Variants in SHROOM2 observed in about 807,000 individuals in gnomAD.
SHROOM2 encodes shroom family member 2, also known as protein Shroom2.
A neutral mutation model predicts 75.9 loss-of-function variants in SHROOM2; 33 were observed. The ratio of observed to expected loss-of-function variants is 0.43; its 90% CI spans 0.33 to 0.58. SHROOM2 has a LOEUF of 0.58. Among genes scored for constraint, SHROOM2 ranks in the 20% least tolerant of loss-of-function variants. The pLI is 0.04. For synonymous variants in SHROOM2, 655 were observed against 663.6 expected (o/e 0.99, Z 0.20); for missense variants, 1,434 against 1,461.2 (o/e 0.98, Z 0.30).
chrX:9,803,370 G>A (rs902779506), intron 1 of SHROOM2, among the ~76,000 whole-genome samples: 1 of 111,490 alleles, frequency 9.0e-6, no homozygotes, highest in Non-Finnish European at 1.9e-5. Flanking sequence ...AGGCTGAAAA[G>A]ATTTTAGATT....
chrX:9,887,765 G>A (rs1033506379), intron 2 of SHROOM2, among the ~76,000 whole-genome samples: 1 of 112,902 alleles, frequency 8.9e-6, no homozygotes. Context: ...GGGAGGCGGT[G>A]TAAACAGTCA....
rs1218786688 is a variant in SHROOM2 at position 9,894,869 on chromosome X, C to T, written c.961C>T (p.Leu321Phe). The change falls in exon 4 of 10, where the codon CTC becomes TTC. Residue 321 changes from leucine (L) to phenylalanine (F), a missense_variant. Transcript: ENST00000380913. Reference protein sequence around the residue: ...PSSPPPPPPPLRSDSFAATKS... With the variant: ...PSSPPPPPPPFRSDSFAATKS... The stretch of plus-strand genomic sequence containing the variant: ...ATCCCCACCTCCTCCCCCTCCCCCT[C>T]TCCGCAGTGACAGCTTTGCTGCCAC... The T allele has an allele frequency of 2.5e-6, 3 of 1,211,422 alleles. No individual in the cohort carries two copies. Among genetic ancestry groups the T allele is most frequent in the Non-Finnish European group, 3.4e-6 (3 of 895,297 alleles).
chrX:9,787,744 C>G (rs1424701711), intron 1 of SHROOM2, among the ~76,000 whole-genome samples: 2 of 112,252 alleles, frequency 1.8e-5, no homozygotes, highest in African/African-American at 6.5e-5. Flanking sequence ...TCTATATTTT[C>G]TGTCGCTTTT....
At chrX:9,804,294 T>A (rs1484083208) in intron 1 of SHROOM2, among the ~76,000 whole-genome samples, 4 of 111,594 alleles carry the variant, frequency 3.6e-5, no homozygotes, top group African/African-American at 1.3e-4. Context: ...CTCTGTGGCC[T>A]GCTGTGGCTG....
At chrX:9,791,486 C>T (rs1055311046) in intron 1 of SHROOM2, among the ~76,000 whole-genome samples, 1 of 112,036 alleles carries the variant, frequency 8.9e-6, no homozygotes, top group Non-Finnish European at 1.9e-5. Flanking sequence ...ACATTCTACA[C>T]GATAATGTTA....
At chrX:9,927,502 G>A (rs2147049165) in intron 5 of SHROOM2, among the ~76,000 whole-genome samples, 1 of 110,818 alleles carries the variant, frequency 9.0e-6, no homozygotes, top group South Asian at 3.8e-4. Context: ...AAACAGTGGT[G>A]GATTATTGAT....
chrX:9,949,420 A>G lies in SHROOM2; in HGVS notation c.*2483A>G, dbSNP rs1289685847. The G allele has an allele frequency of 2.4e-5, 8 of 329,030 alleles. No homozygotes were observed. The highest frequency in any genetic ancestry group is 3.5e-5 in the Non-Finnish European group (6 of 169,831). 27.1% of individuals were successfully genotyped at this position (329,030 alleles called of 1,213,427 possible). On this transcript the variant is annotated 3_prime_UTR_variant, in exon 10 of 10. Transcript: ENST00000380913. ...GATCATCCTGCTTGACTGTAACAAA[A>G]TAAATAGTGTCTCTTCAAGTGAATG... is the stretch of plus-strand genomic sequence containing the variant.
chrX:9,914,759 CG>C (rs1482689256), intron 5 of SHROOM2, among the ~76,000 whole-genome samples: 1 of 111,995 alleles, frequency 8.9e-6, no homozygotes, highest in Non-Finnish European at 1.9e-5. Flanking sequence ...AAACTGGGGG[CG>C]GGGTGACTAG....
intron 1 of SHROOM2, among the ~76,000 whole-genome samples, chrX:9,845,376 C>A (rs2084000649): frequency 9.0e-6 from 1 of 111,595 alleles, no homozygotes; most frequent in Non-Finnish European, 1.9e-5. Flanking sequence ...ACCCAGTAAA[C>A]CTGAACAAGA....
At chrX:9,942,620 G>A (rs949220590) in intron 8 of SHROOM2, among the ~76,000 whole-genome samples, 2 of 111,902 alleles carry the variant, frequency 1.8e-5, no homozygotes, top group African/African-American at 6.5e-5. Flanking sequence ...GAAGAGATGT[G>A]TAGGGCGAGG....
Position 9,895,067 on chromosome X carries a change from T to G in SHROOM2, c.1159T>G (p.Cys387Gly). The change falls in exon 4 of 10, where the codon TGC (cysteine) becomes GGC (glycine). Residue 387 changes from cysteine (C) to glycine (G), a missense_variant. Cys to Gly is a radical substitution (Grantham distance 159). Transcript: ENST00000380913. Reference protein sequence around the residue: ...SLGKGSGGPGCPQEAHADGSW... With the variant: ...SLGKGSGGPGGPQEAHADGSW... ...CGGGAAGGGATCGGGAGGCCCGGGCTGCCCACAGGAGGCCCACGCAGACGG... is the reference window on the plus strand; with the variant it reads ...CGGGAAGGGATCGGGAGGCCCGGGCGGCCCACAGGAGGCCCACGCAGACGG... The G allele has an allele frequency of 8.3e-7, 1 of 1,208,136 alleles. No individual in the cohort carries two copies. Among genetic ancestry groups the G allele is most frequent in the Non-Finnish European group, 1.1e-6 (1 of 893,838 alleles).
intron 1 of SHROOM2, among the ~76,000 whole-genome samples, chrX:9,811,379 G>A (rs1174556891): frequency 1.8e-5 from 2 of 112,109 alleles, no homozygotes; most frequent in Non-Finnish European, 1.9e-5. Flanking sequence ...AAGAGGCTGA[G>A]TGGTGTCCAC....
At chrX:9,931,207 C>T (rs1447530786) in intron 5 of SHROOM2, among the ~76,000 whole-genome samples, 1 of 110,610 alleles carries the variant, frequency 9.0e-6, no homozygotes, top group Non-Finnish European at 1.9e-5. Context: ...TCTTCAGCCT[C>T]CTCTAAGCTG....
chrX:9,857,595 C>T (rs1177414840), intron 1 of SHROOM2, among the ~76,000 whole-genome samples: 2 of 110,167 alleles, frequency 1.8e-5, no homozygotes, highest in African/African-American at 6.6e-5. Flanking sequence ...CACCATGTTG[C>T]CCAGGCTGGT....
Position 9,895,368 on chromosome X carries a change from C to T in SHROOM2, c.1460C>T (p.Ala487Val), listed in dbSNP as rs756528151. ...PRPCVQGDLQ[A>V]AQLWAGCWPS... ...CCCTGTGTGCAGGGAGACCTGCAAG[C>T]AGCACAGCTCTGGGCGGGATGCTGG... is the stretch of plus-strand genomic sequence containing the variant. The change falls in exon 4 of 10, where the codon GCA becomes GTA. Residue 487 changes from alanine to valine, a missense_variant. Physicochemically the swap from Ala to Val is moderately conservative, Grantham distance 64. Transcript: ENST00000380913. 7.6e-6 allele frequency: 9 copies of T among 1,186,967 alleles called. No homozygotes were observed. In the Admixed American group the frequency reaches 2.1e-4, roughly 28 times the overall value.
chrX:9,918,817 C>T (rs766102872), intron 5 of SHROOM2, among the ~76,000 whole-genome samples: 14 of 112,116 alleles, frequency 1.2e-4, no homozygotes, highest in African/African-American at 3.6e-4. Context: ...GGTACTCATC[C>T]ATTCCTGAGG....
chrX:9,837,260 C>T (rs1379187985), intron 1 of SHROOM2, among the ~76,000 whole-genome samples: 2 of 112,632 alleles, frequency 1.8e-5, no homozygotes, highest in African/African-American at 3.2e-5. Flanking sequence ...GTCCTTAGAA[C>T]ATCAACTGTC....
intron 1 of SHROOM2, among the ~76,000 whole-genome samples, chrX:9,813,604 A>C (rs2083803313): frequency 8.9e-6 from 1 of 111,934 alleles, no homozygotes; most frequent in Admixed American, 9.5e-5. Flanking sequence ...CTCTTCATTC[A>C]AGGGATTCTG....
chrX:9,832,332 C>T (rs953784687), intron 1 of SHROOM2, among the ~76,000 whole-genome samples: 2 of 111,269 alleles, frequency 1.8e-5, no homozygotes, highest in African/African-American at 6.5e-5. Context: ...CCCGCCGAGC[C>T]CCTCCCTCTG....
Sources: gnomAD v4.1 joint callset for allele counts (sites outside exome capture counted in the v4.1 genomes callset) on GRCh38, gnomAD v4.1.1 for gene constraint, MANE v1.5 for transcripts, NCBI Gene and HGNC (gene_info 2026-07-23, HGNC 2026-07-21) for gene names.